The following SGCZ variants were observed in gnomAD, a reference collection of about 807,000 sequenced individuals.
The protein encoded by SGCZ is zeta-sarcoglycan.
SGCZ carries 40 observed loss-of-function variants against 41.3 expected under a neutral mutation model. The ratio of observed to expected loss-of-function variants is 0.97; its 90% CI spans 0.75 to 1.26. SGCZ has a LOEUF of 1.26. Among genes scored for constraint, SGCZ ranks in the 50% most tolerant of loss-of-function variants. SGCZ has a pLI of 0.00. For missense variants in SGCZ, 552 were observed against 369.8 expected, an observed-to-expected ratio of 1.49 and a Z score of -4.04; for synonymous variants, 206 against 137.5, an observed-to-expected ratio of 1.50 and a Z score of -3.49.
chr8:14,478,445 T>C (rs28499026), intron 2 of SGCZ, among the ~76,000 whole-genome samples: 3,051 of 152,288 alleles, frequency 0.02, 69 homozygotes, highest in African/African-American at 0.05. Context: ...TGCTACATAC[T>C]GTATGATTCC....
At chr8:14,978,423 A>G in intron 1 of SGCZ, among the ~76,000 whole-genome samples, 1 of 112,590 alleles carries the variant, frequency 8.9e-6, no homozygotes, top group South Asian at 2.8e-4. Flanking sequence ...GTGAGCCAAG[A>G]TCGCGGCATT....
rs1469643891 is a variant in SGCZ, at chr8:14,896,310, T to C, written c.39+341275A>G. 3.3e-5 allele frequency among the ~76,000 whole-genome samples: 5 copies of C among 152,126 alleles called. No homozygotes were observed. The East Asian group carries it at 9.6e-4, about 29-fold the overall frequency. ...ATCTGGGGAAAGAAGGTGTGCAAGA[T>C]CCTCTCTCTTACCCTCAAATATGTA... On this transcript the variant is annotated intron_variant, in intron 1 of 7. Coordinates refer to ENST00000382080, the MANE Select transcript of SGCZ (RefSeq NM_139167.4).
intron 1 of SGCZ, among the ~76,000 whole-genome samples, chr8:14,573,013 C>G (rs1186973029): frequency 1.1e-4 from 17 of 152,060 alleles, no homozygotes; most frequent in Non-Finnish European, 2.4e-4. Flanking sequence ...GATTTAGTAT[C>G]TATAAAGAAA....
intron 1 of SGCZ, among the ~76,000 whole-genome samples, chr8:15,191,684 C>G (rs557259795): frequency 3.1e-4 from 47 of 152,120 alleles, no homozygotes; most frequent in African/African-American, 1.1e-3. Context: ...GGAAATTCCT[C>G]ATACGAGCTT....
intron 4 of SGCZ, among the ~76,000 whole-genome samples, chr8:14,234,370 G>T (rs1288127909): frequency 6.6e-6 from 1 of 151,856 alleles, no homozygotes; most frequent in Admixed American, 6.6e-5. Context: ...AAAAAGGTGG[G>T]GTACAAGAGG....
chr8:14,158,390 A>G (rs1803939789), intron 5 of SGCZ, among the ~76,000 whole-genome samples: 1 of 152,148 alleles, frequency 6.6e-6, no homozygotes, highest in African/African-American at 2.4e-5. Context: ...CGATCTCCAC[A>G]GAGCAACCTG....
intron 1 of SGCZ, among the ~76,000 whole-genome samples, chr8:14,595,231 C>G (rs967310240): frequency 6.6e-6 from 1 of 152,068 alleles, no homozygotes; most frequent in African/African-American, 2.4e-5. Flanking sequence ...GCCCTTCAGG[C>G]AAGATTAAAT....
At chr8:15,073,538 G>C (rs1399964016) in intron 1 of SGCZ, among the ~76,000 whole-genome samples, 1 of 152,192 alleles carries the variant, frequency 6.6e-6, no homozygotes, top group Admixed American at 6.5e-5. Flanking sequence ...ATGTTACTGA[G>C]AAGGTATTTT....
chr8:14,659,965 CAG>C (rs957507841), intron 1 of SGCZ, among the ~76,000 whole-genome samples: 19 of 152,140 alleles, frequency 1.2e-4, no homozygotes, highest in Admixed American at 1.1e-3. Context: ...AACATGAAGG[CAG>C]AGATTAGGGA....
chr8:14,303,514 C>T (rs981905055), intron 3 of SGCZ, among the ~76,000 whole-genome samples: 1 of 151,998 alleles, frequency 6.6e-6, no homozygotes, highest in Non-Finnish European at 1.5e-5. Flanking sequence ...AAACTACTTG[C>T]AGAAAAAGAC....
chr8:14,458,461 G>C (rs1271546793), intron 2 of SGCZ, among the ~76,000 whole-genome samples: 1 of 152,136 alleles, frequency 6.6e-6, no homozygotes, highest in South Asian at 2.1e-4. Context: ...TCAAATAAGT[G>C]AATGTATTAC....
At chr8:14,833,715 C>T (rs1353782697) in intron 1 of SGCZ, among the ~76,000 whole-genome samples, 1 of 151,876 alleles carries the variant, frequency 6.6e-6, no homozygotes, top group African/African-American at 2.4e-5. Flanking sequence ...TAGGAAGAAG[C>T]AGCATAGTTG....
At chr8:14,319,842 G>C (rs1801858064) in intron 3 of SGCZ, among the ~76,000 whole-genome samples, 1 of 151,992 alleles carries the variant, frequency 6.6e-6, no homozygotes, top group African/African-American at 2.4e-5. Context: ...GTTAAGAAAA[G>C]CTGTCTGAAA....
At chr8:14,458,906 G>A (rs1190545983) in intron 2 of SGCZ, among the ~76,000 whole-genome samples, 1 of 152,018 alleles carries the variant, frequency 6.6e-6, no homozygotes, top group African/African-American at 2.4e-5. Flanking sequence ...CGAGACCTAG[G>A]GTTAGGAAAA....
At chr8:14,702,481 T>G (rs1216209589) in intron 1 of SGCZ, among the ~76,000 whole-genome samples, 2 of 151,902 alleles carry the variant, frequency 1.3e-5, no homozygotes, top group Non-Finnish European at 1.5e-5. Flanking sequence ...TGCACCCCTC[T>G]AGACTTCCAC....
rs73190245 is a variant in SGCZ, at chr8:14,504,987, C to T, written c.234+49745G>A. 2.3e-3 allele frequency among the ~76,000 whole-genome samples: 352 copies of T among 151,816 alleles called. 1 individual carries two copies. The highest frequency in any genetic ancestry group is 8.7e-3 in the East Asian group (45 of 5,168). Reference sequence around the variant, plus strand: ...GAACTGTCTGTTGCATTGCTTTTTTCGGTTTGTTGCAGTTTTGATACTCCT... The same window carrying T: ...GAACTGTCTGTTGCATTGCTTTTTTTGGTTTGTTGCAGTTTTGATACTCCT... On this transcript the variant is annotated intron_variant, in intron 2 of 7. Coordinates refer to ENST00000382080, the MANE Select transcript of SGCZ (RefSeq NM_139167.4).
chr8:14,679,273 C>A (rs1304127054), intron 1 of SGCZ, among the ~76,000 whole-genome samples: 1 of 151,880 alleles, frequency 6.6e-6, no homozygotes, highest in African/African-American at 2.4e-5. Flanking sequence ...CTTTTGCATA[C>A]ATATTTTTTT....
intron 4 of SGCZ, among the ~76,000 whole-genome samples, chr8:14,195,309 T>G (rs956646825): frequency 1.3e-5 from 2 of 151,958 alleles, no homozygotes; most frequent in Non-Finnish European, 2.9e-5. Flanking sequence ...CTGAAAAGGG[T>G]TGACAGCAGA....
In SGCZ at chr8:14,088,454, C is replaced by G. The variant is rs896369667; in HGVS notation, c.*1989G>C. Among the ~76,000 whole-genome samples, 1 of 151,730 alleles carries G rather than the reference C, an allele frequency of 6.6e-6. No individual in the cohort carries two copies. Among genetic ancestry groups the G allele is most frequent in the East Asian group, 1.9e-4 (1 of 5,148 alleles). ...ACTACATAATGTTTTCCTTAAAAGT[C>G]CATAATATAGTGATTAGCACACATA... On this transcript the variant is annotated 3_prime_UTR_variant, in exon 8 of 8. Coordinates refer to ENST00000382080, the MANE Select transcript of SGCZ (RefSeq NM_139167.4).
Sources: gnomAD v4.1 joint callset for allele counts (sites outside exome capture counted in the v4.1 genomes callset) on GRCh38, gnomAD v4.1.1 for gene constraint, MANE v1.5 for transcripts, NCBI Gene and HGNC (gene_info 2026-07-23, HGNC 2026-07-21) for gene names.